CYTH3: variants seen among roughly 807,000 people sequenced by gnomAD.
CYTH3 encodes cytohesin-3.
Under a neutral mutation model 55.1 loss-of-function variants are expected in CYTH3, and 23 were observed. The ratio of observed to expected loss-of-function variants is 0.42; its 90% CI spans 0.30 to 0.59. The LOEUF (loss-of-function observed/expected upper bound fraction) is 0.59, where lower values mean the gene tolerates loss of function less well. Ranked by LOEUF, CYTH3 falls within the 20% of genes least tolerant of loss-of-function variation. The probability of loss-of-function intolerance (pLI) is 0.20; values close to 1 mark genes in which losing one functional copy is unlikely to be tolerated. For synonymous variants in CYTH3, 249 were observed against 194.9 expected (o/e 1.28, Z -2.31); for missense variants, 413 against 524.8 (o/e 0.79, Z 2.08).
intron 4 of CYTH3, among the ~76,000 whole-genome samples, chr7:6,179,910 A>AAAC (rs1406965941): frequency 2.8e-4 from 41 of 147,706 alleles, no homozygotes; most frequent in African/African-American, 9.3e-4. Context: ...ACACAACCAC[A>AAAC]CACACACAAA....
intron 12 of CYTH3, 46 bp from the exon 13 acceptor site, chr7:6,165,062 C>A (rs2301911): frequency 3.1e-6 from 5 of 1,608,278 alleles, no homozygotes; most frequent in Non-Finnish European, 4.3e-6. Flanking sequence ...GGGTGACACA[C>A]AGACCTCCCC....
intron 1 of CYTH3, among the ~76,000 whole-genome samples, chr7:6,241,057 G>C (rs992504953): frequency 6.6e-6 from 1 of 152,122 alleles, no homozygotes; most frequent in Non-Finnish European, 1.5e-5. Context: ...GGGAGGCGGA[G>C]GTTGCAGTGA....
chr7:6,173,690 G>A lies in CYTH3; in HGVS notation c.412C>T (p.His138Tyr), dbSNP rs1783260904. 1 of 1,612,266 alleles carries A rather than the reference G, an allele frequency of 6.2e-7. No homozygotes were observed. The highest frequency in any genetic ancestry group is 1.1e-5 in the South Asian group (1 of 91,048). Residue 138 changes from histidine to tyrosine, a missense_variant, in exon 6 of 13, where the codon CAT becomes TAT. By Grantham distance (83) the His-to-Tyr change is moderately conservative. Transcript: ENST00000350796. ...IKVLQAFVEL[H>Y]EFADLNLVQA... ...ACAAGGTTGAGATCAGCAAACTCATGGAGTTCAACAAAGGCTTGAAGAACT... is the reference window on the plus strand; with the variant it reads ...ACAAGGTTGAGATCAGCAAACTCATAGAGTTCAACAAAGGCTTGAAGAACT...
rs956345400 is a variant in CYTH3, at chr7:6,162,349, C to T, written c.*2595G>A. 6.6e-6 allele frequency: 1 copy of T among 152,248 alleles called. No individual in the cohort carries two copies. The highest frequency in any genetic ancestry group is 1.5e-5 in the Non-Finnish European group (1 of 68,052). 9.4% of individuals were successfully genotyped at this position (152,248 alleles called of 1,614,324 possible). A position where few individuals can be genotyped will look rare whatever the true frequency, so the allele number is the denominator to read the frequency against. On this transcript the variant is annotated 3_prime_UTR_variant, in exon 13 of 13. Coordinates refer to ENST00000350796, the MANE Select transcript of CYTH3 (RefSeq NM_004227.4). ...CGGGGCTCCCCTCACTGCCTCCTGGCCTCTGTCTCTGGAAAAAAGTATCTT... is the reference window on the plus strand; with the variant it reads ...CGGGGCTCCCCTCACTGCCTCCTGGTCTCTGTCTCTGGAAAAAAGTATCTT...
chr7:6,267,319 T>G (rs953479995), intron 1 of CYTH3, among the ~76,000 whole-genome samples: 1 of 152,178 alleles, frequency 6.6e-6, no homozygotes, highest in Non-Finnish European at 1.5e-5. Flanking sequence ...TAATAGCTCT[T>G]GTGCCATGCA....
At chr7:6,246,233 T>C (rs1048349205) in intron 1 of CYTH3, among the ~76,000 whole-genome samples, 3 of 131,302 alleles carry the variant, frequency 2.3e-5, no homozygotes, top group African/African-American at 9.9e-5. Context: ...ACCTGGATAA[T>C]TTTTTTTTTT....
chr7:6,255,882 G>A (rs1266013909), intron 1 of CYTH3, among the ~76,000 whole-genome samples: 1 of 148,058 alleles, frequency 6.8e-6, no homozygotes, highest in African/African-American at 2.5e-5. Context: ...TCCTGCCTCA[G>A]CCTCCTGAGT....
chr7:6,243,180 T>C (rs900345219), intron 1 of CYTH3, among the ~76,000 whole-genome samples: 4 of 152,018 alleles, frequency 2.6e-5, no homozygotes, highest in South Asian at 4.1e-4. Context: ...AGACATTGAG[T>C]GCAAAAATTA....
chr7:6,214,199 C>T (rs1349381456), intron 1 of CYTH3, among the ~76,000 whole-genome samples: 3 of 152,176 alleles, frequency 2.0e-5, no homozygotes, highest in Non-Finnish European at 4.4e-5. Context: ...TGATAAAGCA[C>T]ACACAGTGAA....
chr7:6,253,879 A>G (rs913765299), intron 1 of CYTH3, among the ~76,000 whole-genome samples: 31 of 121,334 alleles, frequency 2.6e-4, no homozygotes, highest in African/African-American at 2.9e-4. Context: ...TGTAATCCCA[A>G]CTACTCGGGA....
In CYTH3 at chr7:6,184,049, C is replaced by CTTTTTTT. The variant is rs60634853; in HGVS notation, c.249+2994_249+3000dup. ...CATTGTTTACGCACCCCCTCTGTGG[C>CTTTTTTT]TTTTTTTTTTTTTTTTTTTTTTTTT... On this transcript the variant is annotated intron_variant, in intron 4 of 12. Transcript: ENST00000350796. 8.6e-5 allele frequency among the ~76,000 whole-genome samples: 4 copies of CTTTTTTT among 46,400 alleles called. 1 individual carries two copies. The highest frequency in any genetic ancestry group is 1.8e-4 in the African/African-American group (2 of 10,952). 30.4% of individuals were successfully genotyped at this position (46,400 alleles called of 152,430 possible). A position where few individuals can be genotyped will look rare whatever the true frequency, so the allele number is the denominator to read the frequency against.
At chr7:6,266,665 A>G (rs7784130) in intron 1 of CYTH3, among the ~76,000 whole-genome samples, 7,707 of 150,360 alleles carry the variant, frequency 0.051, 668 homozygotes, top group African/African-American at 0.18. Context: ...ACCCCTATAG[A>G]TTGCACCTCG....
In CYTH3 at chr7:6,165,626, G is replaced by A. The variant is rs554474156; in HGVS notation, c.901-10C>T. 4.9e-5 allele frequency: 79 copies of A among 1,613,862 alleles called. 2 individuals are homozygous for A. In the South Asian group the frequency reaches 7.2e-4, roughly 15 times the overall value. ...CCCTGGGCTCCTTATCCTACAAGAG[G>A]AAAGTACACGGCGGGGCTCACTGTG... On this transcript the variant is annotated splice_polypyrimidine_tract_variant and intron_variant, in intron 10 of 12. Transcript: ENST00000350796.
At chr7:6,237,537 G>A (rs970718642) in intron 1 of CYTH3, among the ~76,000 whole-genome samples, 11 of 151,920 alleles carry the variant, frequency 7.2e-5, no homozygotes, top group East Asian at 5.8e-4. Context: ...GTGAAACCCC[G>A]TCTCTACGAA....
chr7:6,245,020 C>T (rs1186919592), intron 1 of CYTH3, among the ~76,000 whole-genome samples: 5 of 121,654 alleles, frequency 4.1e-5, no homozygotes, highest in Admixed American at 2.1e-4. Context: ...CATGGTTTCC[C>T]GTGTCAGGCA....
At chr7:6,243,528 A>G (rs564935203) in intron 1 of CYTH3, among the ~76,000 whole-genome samples, 4 of 152,190 alleles carry the variant, frequency 2.6e-5, no homozygotes, top group African/African-American at 9.6e-5. Context: ...TTCTTCTGGC[A>G]GGTGGCATCT....
intron 1 of CYTH3, among the ~76,000 whole-genome samples, chr7:6,259,817 T>TATATATATATA (rs1780296523): frequency 7.7e-5 from 2 of 26,120 alleles, no homozygotes; most frequent in African/African-American, 8.1e-4. Flanking sequence ...ATATATAATA[T>TATATATATATA]ATATATATAT....
intron 1 of CYTH3, among the ~76,000 whole-genome samples, chr7:6,234,608 T>G (rs1016780073): frequency 6.6e-6 from 1 of 152,140 alleles, no homozygotes; most frequent in Non-Finnish European, 1.5e-5. Context: ...CCCACACCTG[T>G]GACTGGAAGC....
At chr7:6,230,910 A>G (rs898874771) in intron 1 of CYTH3, among the ~76,000 whole-genome samples, 1 of 152,198 alleles carries the variant, frequency 6.6e-6, no homozygotes, top group Non-Finnish European at 1.5e-5. Context: ...TACTTACACA[A>G]TCTCAGGAAA....
Sources: gnomAD v4.1 joint callset for allele counts (sites outside exome capture counted in the v4.1 genomes callset) on GRCh38, gnomAD v4.1.1 for gene constraint, MANE v1.5 for transcripts, NCBI Gene and HGNC (gene_info 2026-07-23, HGNC 2026-07-21) for gene names.